APBB1IP: variants seen among roughly 807,000 people sequenced by gnomAD.
APBB1IP encodes the protein amyloid beta A4 precursor protein-binding family B member 1-interacting protein.
APBB1IP carries 27 observed loss-of-function variants against 64.9 expected under a neutral mutation model. That is an observed-to-expected ratio of 0.42 (90% CI 0.31 to 0.57). The LOEUF is 0.57. APBB1IP is among the 20% of genes least tolerant of loss of function. The probability of loss-of-function intolerance (pLI) is 0.20; values close to 1 mark genes in which losing one functional copy is unlikely to be tolerated. For synonymous variants in APBB1IP, 392 were observed against 331.0 expected (o/e 1.18, Z -2.00); for missense variants, 812 against 845.5 (o/e 0.96, Z 0.49).
At position 26,567,331 on chromosome 10, in the gene APBB1IP, A is replaced by G; in HGVS notation, c.1844A>G (p.Asp615Gly). The G allele has an allele frequency of 7.5e-7, 1 of 1,335,470 alleles. No individual in the cohort carries two copies. Among genetic ancestry groups the G allele is most frequent in the Non-Finnish European group, 9.7e-7 (1 of 1,028,102 alleles). The allele number at this position is 1,335,470 out of a possible 1,614,324, so 82.7% of individuals were successfully genotyped here. A position where few individuals can be genotyped will look rare whatever the true frequency, so the allele number is the denominator to read the frequency against. Residue 615 changes from aspartate to glycine, a missense_variant, in exon 15 of 15, where the codon GAC becomes GGC. Transcript: ENST00000376236. The stretch of plus-strand genomic sequence containing the variant: ...GCGCCCGCGCCCGCCCCCGTCCCCG[A>G]CTCCGCCAGGCCGCCCCCCGCGGTG... ...PPAPAPAPVP[D>G]SARPPPAVAK...
At chr10:26,529,204 A>G (rs187125582) in intron 8 of APBB1IP, among the ~76,000 whole-genome samples, 5 of 152,348 alleles carry the variant, frequency 3.3e-5, no homozygotes, top group African/African-American at 1.2e-4. Flanking sequence ...CATTTGCAGG[A>G]TATAATGACT....
intron 6 of APBB1IP, 112 bp downstream of exon 6, chr10:26,503,386 A>G (rs906118609): frequency 3.0e-6 from 3 of 986,406 alleles, no homozygotes; most frequent in African/African-American, 3.3e-5. Flanking sequence ...CTGTAATCCC[A>G]GCACTTTGGG....
chr10:26,458,414 G>A (rs1835552551), intron 2 of APBB1IP, among the ~76,000 whole-genome samples: 1 of 151,534 alleles, frequency 6.6e-6, no homozygotes. Context: ...TAGGAAAAGG[G>A]AAGGAAGGAA....
At chr10:26,509,823 C>T (rs1013920968) in intron 6 of APBB1IP, 6 of 152,092 alleles carry the variant, frequency 3.9e-5, no homozygotes, top group African/African-American at 1.2e-4. Flanking sequence ...GTTGAATAAC[C>T]GGGACCAACC....
chr10:26,563,481 T>C (rs1428432059), intron 14 of APBB1IP, among the ~76,000 whole-genome samples: 1 of 152,190 alleles, frequency 6.6e-6, no homozygotes, highest in Non-Finnish European at 1.5e-5. Context: ...AATAGCCAAA[T>C]TGGTATAATT....
intron 9 of APBB1IP, among the ~76,000 whole-genome samples, chr10:26,534,051 T>C (rs148849948): frequency 1.9e-3 from 295 of 151,948 alleles, no homozygotes; most frequent in African/African-American, 7.0e-3. Context: ...AAGCACTGTG[T>C]TGATTACCAT....
chr10:26,564,809 AT>A (rs1223267452), intron 14 of APBB1IP, among the ~76,000 whole-genome samples: 15 of 150,452 alleles, frequency 1.0e-4, no homozygotes, highest in Non-Finnish European at 2.1e-4. Context: ...CCTCAAAAAA[AT>A]AAAAATAAAA....
At chr10:26,524,955 CTTTTTT>C (rs56982662) in intron 8 of APBB1IP, among the ~76,000 whole-genome samples, 10 of 73,972 alleles carry the variant, frequency 1.4e-4, no homozygotes, top group Admixed American at 6.4e-4. Context: ...TTCTTTCTTT[CTTTTTT>C]TTTTTTTTTT....
At chr10:26,469,578 T>C (rs1039242308) in intron 2 of APBB1IP, among the ~76,000 whole-genome samples, 1 of 152,166 alleles carries the variant, frequency 6.6e-6, no homozygotes, top group African/African-American at 2.4e-5. Flanking sequence ...TTTTTAATTC[T>C]TTTTTTAACT....
In APBB1IP at chr10:26,472,569, TTTCA is replaced by T. The variant is rs57015999; in HGVS notation, c.1-19729_1-19726del. Among the ~76,000 whole-genome samples, 727 of 149,656 alleles carry T rather than the reference TTTCA, an allele frequency of 4.9e-3. 11 individuals are homozygous for T. The highest frequency in any genetic ancestry group is 0.015 in the African/African-American group (615 of 39,882). On this transcript the variant is annotated intron_variant, in intron 2 of 14. Transcript: ENST00000376236. Reference sequence around the variant, plus strand: ...ACATTCAGTATCCTCATCGTGTTTGTTTCATTCATTCATTCATTCATTCATTCAT... The same window carrying T: ...ACATTCAGTATCCTCATCGTGTTTGTTTCATTCATTCATTCATTCATTCAT...
chr10:26,498,099 A>C (rs919027328), intron 4 of APBB1IP, among the ~76,000 whole-genome samples: 1 of 152,264 alleles, frequency 6.6e-6, no homozygotes. Flanking sequence ...CTTTCTTGAT[A>C]AATTATAATA....
intron 11 of APBB1IP, among the ~76,000 whole-genome samples, chr10:26,545,757 C>A (rs962944835): frequency 2.9e-5 from 4 of 136,514 alleles, no homozygotes; most frequent in Non-Finnish European, 4.7e-5. Flanking sequence ...GAGACTCCGT[C>A]TCAAAAAAAA....
At chr10:26,466,046 C>T (rs960615808) in intron 2 of APBB1IP, among the ~76,000 whole-genome samples, 5 of 152,176 alleles carry the variant, frequency 3.3e-5, no homozygotes, top group South Asian at 2.1e-4. Context: ...TCTGTGACCT[C>T]AGCTGGGAAG....
Position 26,492,396 on chromosome 10 carries a change from C to T in APBB1IP, c.70C>T (p.Gln24Ter). 6.2e-7 allele frequency: 1 copy of T among 1,613,728 alleles called. No homozygotes were observed. Among genetic ancestry groups the T allele is most frequent in the Non-Finnish European group, 8.5e-7 (1 of 1,179,810 alleles). Residue 24 changes from glutamine (Q) to a stop codon, truncating the protein, a stop_gained and splice_region_variant, in exon 3 of 15, where the codon CAG (glutamine) becomes TAG (stop). Transcript: ENST00000376236. LOFTEE classifies it high-confidence loss of function. ...GCTGGGAGAGATGGATCTTCTGACT[C>T]AGGTAAACTTCCCTTTTTAACTGGC... is the stretch of plus-strand genomic sequence containing the variant. Reference protein sequence around the residue: ...TLLGEMDLLTQSLGVDTLPPP... With the variant: ...TLLGEMDLLT
intron 11 of APBB1IP, among the ~76,000 whole-genome samples, chr10:26,554,226 A>G (rs1836866858): frequency 6.6e-6 from 1 of 152,246 alleles, no homozygotes; most frequent in Non-Finnish European, 1.5e-5. Flanking sequence ...GAGCTGCTGT[A>G]ACAAACTGCT....
rs190625580 is a variant in APBB1IP, at chr10:26,456,312, C to T, written c.-1+17459C>T. Reference sequence around the variant, plus strand: ...TGCAATTTGCACTCTGGGTTCAGTACATTAAGTGAAAGCCTTTGGTGTGCC... The same window carrying T: ...TGCAATTTGCACTCTGGGTTCAGTATATTAAGTGAAAGCCTTTGGTGTGCC... On this transcript the variant is annotated intron_variant, in intron 2 of 14. Transcript: ENST00000376236. Among the ~76,000 whole-genome samples the T allele has an allele frequency of 1.3e-3, 192 of 152,236 alleles. 2 individuals are homozygous for T. The highest frequency in any genetic ancestry group is 2.2e-3 in the Non-Finnish European group (149 of 68,022).
chr10:26,545,035 G>A (rs1836742459), intron 11 of APBB1IP, among the ~76,000 whole-genome samples: 3 of 152,144 alleles, frequency 2.0e-5, no homozygotes, highest in Admixed American at 6.5e-5. Flanking sequence ...GATCTGTTCT[G>A]TTCTAAAGCC....
At chr10:26,468,442 T>C (rs1009020896) in intron 2 of APBB1IP, among the ~76,000 whole-genome samples, 1 of 152,152 alleles carries the variant, frequency 6.6e-6, no homozygotes, top group African/African-American at 2.4e-5. Flanking sequence ...AATGAGTGAA[T>C]GAAATCAGAA....
At chr10:26,443,556 A>G (rs1835360060) in intron 2 of APBB1IP, among the ~76,000 whole-genome samples, 1 of 152,136 alleles carries the variant, frequency 6.6e-6, no homozygotes. Flanking sequence ...TCATTCATTC[A>G]TTCATTTTTG....
Sources: allele counts gnomAD v4.1 joint callset (sites outside exome capture counted in the v4.1 genomes callset), GRCh38; gene constraint gnomAD v4.1.1; transcripts MANE v1.5; gene names NCBI Gene and HGNC (gene_info 2026-07-23, HGNC 2026-07-21).